UGT1A10: variants seen among roughly 807,000 people sequenced by gnomAD.
The protein encoded by UGT1A10 is UDP-glucuronosyltransferase 1A10.
A neutral mutation model predicts 45.8 loss-of-function variants in UGT1A10; 49 were observed. The ratio of observed to expected loss-of-function variants is 1.07; its 90% CI spans 0.85 to 1.36. UGT1A10 has a LOEUF of 1.36. Ranked by LOEUF, UGT1A10 falls within the 40% of genes most tolerant of loss-of-function variation. The probability of loss-of-function intolerance (pLI) is 0.00; values close to 1 mark genes in which losing one functional copy is unlikely to be tolerated. For missense variants in UGT1A10, 745 were observed against 668.6 expected, an observed-to-expected ratio of 1.11 and a Z score of -1.26; for synonymous variants, 284 against 249.7, an observed-to-expected ratio of 1.14 and a Z score of -1.29.
chr2:233,678,885 A>G (rs1296736861), intron 1 of UGT1A10, among the ~76,000 whole-genome samples: 2 of 152,100 alleles, frequency 1.3e-5, no homozygotes, highest in Non-Finnish European at 1.5e-5. Flanking sequence ...GACTTCCTTG[A>G]TTGGCTCTGT....
chr2:233,724,419 C>T (rs1157534469), intron 1 of UGT1A10, among the ~76,000 whole-genome samples: 13 of 129,206 alleles, frequency 1.0e-4, no homozygotes, highest in South Asian at 3.0e-4. Flanking sequence ...GGCTGCCGGG[C>T]GGAGAGGCTC....
chr2:233,697,829 T>C (rs1462256718), intron 1 of UGT1A10, among the ~76,000 whole-genome samples: 1 of 152,194 alleles, frequency 6.6e-6, no homozygotes, highest in Non-Finnish European at 1.5e-5. Flanking sequence ...CAAGAAAATC[T>C]AATTAAGAAG....
chr2:233,691,765 G>A (rs1355793466), intron 1 of UGT1A10: 1 of 421,572 alleles, frequency 2.4e-6, no homozygotes, highest in Non-Finnish European at 3.2e-6. Flanking sequence ...TCCTGCTCTA[G>A]GATTCTCACC....
chr2:233,698,411 G>T (rs1011894202), intron 1 of UGT1A10, among the ~76,000 whole-genome samples: 1 of 152,042 alleles, frequency 6.6e-6, no homozygotes, highest in African/African-American at 2.4e-5. Flanking sequence ...TGACTTCATC[G>T]CAATAAATTA....
At chr2:233,738,209 A>G (rs1479952122) in intron 1 of UGT1A10, among the ~76,000 whole-genome samples, 2 of 152,090 alleles carry the variant, frequency 1.3e-5, no homozygotes, top group Admixed American at 6.5e-5. Flanking sequence ...ACTTTCTGCC[A>G]GGATTATAAG....
intron 1 of UGT1A10, among the ~76,000 whole-genome samples, chr2:233,714,888 A>ATCTTTTTTTTTTT (rs148944858): frequency 1.3e-5 from 2 of 151,902 alleles, no homozygotes; most frequent in Admixed American, 6.6e-5. Flanking sequence ...AAATTTTTCT[A>ATCTTTTTTTTTTT]TCTTTTGAGA....
intron 1 of UGT1A10, among the ~76,000 whole-genome samples, chr2:233,745,884 T>C (rs1158721424): frequency 1.3e-5 from 2 of 150,192 alleles, no homozygotes; most frequent in East Asian, 2.0e-4. Flanking sequence ...GAAGTGTTGG[T>C]GGGGTGGCGT....
At chr2:233,648,368 A>G in intron 1 of UGT1A10, 1 of 393,340 alleles carries the variant, frequency 2.5e-6, no homozygotes, top group South Asian at 2.8e-5. Context: ...TACCTTGAAG[A>G]AGGTGCACAG....
Position 233,768,343 on chromosome 2 carries a change from G to T in UGT1A10, c.1199G>T (p.Arg400Leu), listed in dbSNP as rs140613392. 1.2e-6 allele frequency: 2 copies of T among 1,614,170 alleles called. No homozygotes were observed. The highest frequency in any genetic ancestry group is 1.7e-6 in the Non-Finnish European group (2 of 1,180,042). ...LFGDQMDNAK[R>L]METKGAGVTL... is the part of the protein sequence containing the mutation. ...GGTGATCAGATGGACAATGCAAAGC[G>T]CATGGAGACTAAGGGAGCTGGAGTG... The change falls in exon 4 of 5, where the codon CGC becomes CTC. Residue 400 changes from arginine to leucine, a missense_variant. Coordinates refer to ENST00000344644, the MANE Select transcript of UGT1A10 (RefSeq NM_019075.4).
chr2:233,725,567 G>A (rs1036939921), intron 1 of UGT1A10, among the ~76,000 whole-genome samples: 32 of 151,948 alleles, frequency 2.1e-4, no homozygotes, highest in African/African-American at 5.6e-4. Flanking sequence ...ACATATATTC[G>A]ATATAAGATT....
At chr2:233,693,978 G>C (rs1189326021) in intron 1 of UGT1A10, 3 of 1,557,938 alleles carry the variant, frequency 1.9e-6, no homozygotes, top group Admixed American at 1.9e-5. Flanking sequence ...GAGAAACGGT[G>C]GGGGGAAGTG....
chr2:233,681,099 C>T (rs940932647), intron 1 of UGT1A10, among the ~76,000 whole-genome samples: 2 of 151,602 alleles, frequency 1.3e-5, no homozygotes, highest in African/African-American at 2.4e-5. Flanking sequence ...CTCTGCAATG[C>T]GCAAGTGAGC....
chr2:233,666,805 C>G (rs1018933602), intron 1 of UGT1A10, among the ~76,000 whole-genome samples: 1 of 140,608 alleles, frequency 7.1e-6, no homozygotes, highest in Admixed American at 7.2e-5. Flanking sequence ...CCCCCTCCCC[C>G]AATCCCACAA....
intron 1 of UGT1A10, among the ~76,000 whole-genome samples, chr2:233,718,559 T>C (rs2076663829): frequency 6.6e-6 from 1 of 152,220 alleles, no homozygotes; most frequent in South Asian, 2.1e-4. Flanking sequence ...AAAGAAGAGC[T>C]TGAACTTGGA....
rs999993314 is a variant in UGT1A10 at position 233,702,022 on chromosome 2, C to CA, written c.855+64654dup. 3.8e-3 allele frequency among the ~76,000 whole-genome samples: 570 copies of CA among 150,354 alleles called. 6 individuals are homozygous for CA. Among genetic ancestry groups the CA allele is most frequent in the African/African-American group, 0.012 (497 of 41,028 alleles). ...AGCAGAACTGAAGGAAATAGAGACACAAAAAAAAACCCTTCAAAAAATTAA... is the reference window on the plus strand; with the variant it reads ...AGCAGAACTGAAGGAAATAGAGACACAAAAAAAAAACCCTTCAAAAAATTAA... On this transcript the variant is annotated intron_variant, in intron 1 of 4. Transcript: ENST00000344644.
intron 1 of UGT1A10, among the ~76,000 whole-genome samples, chr2:233,745,098 AT>A (rs960304427): frequency 6.6e-6 from 1 of 151,758 alleles, no homozygotes; most frequent in African/African-American, 2.4e-5. Flanking sequence ...CCCCCCAAAT[AT>A]TTTTAATCTG....
intron 1 of UGT1A10, chr2:233,760,113 A>G: frequency 2.4e-6 from 3 of 1,233,108 alleles, no homozygotes; most frequent in Non-Finnish European, 3.3e-6. Flanking sequence ...TAAGAAACCT[A>G]ATAAAGCTCC....
intron 1 of UGT1A10, among the ~76,000 whole-genome samples, chr2:233,686,607 T>C (rs1453071423): frequency 6.6e-6 from 1 of 152,018 alleles, no homozygotes; most frequent in African/African-American, 2.4e-5. Flanking sequence ...TGACTGTCTC[T>C]CTCTCTCCTT....
At chr2:233,675,270 G>A (rs1040996706) in intron 1 of UGT1A10, among the ~76,000 whole-genome samples, 1 of 152,140 alleles carries the variant, frequency 6.6e-6, no homozygotes. Flanking sequence ...ATATCATTCC[G>A]TGTGGTCATT....
Sources: gnomAD v4.1 joint callset for allele counts (sites outside exome capture counted in the v4.1 genomes callset) on GRCh38, gnomAD v4.1.1 for gene constraint, MANE v1.5 for transcripts, NCBI Gene and HGNC (gene_info 2026-07-23, HGNC 2026-07-21) for gene names.